The following GPATCH2 variants were observed in gnomAD, a reference collection of about 807,000 sequenced individuals.
The protein encoded by GPATCH2 is G patch domain-containing protein 2.
GPATCH2 carries 51 observed loss-of-function variants against 58.0 expected under a neutral mutation model. The ratio of observed to expected loss-of-function variants is 0.88; its 90% confidence interval spans 0.70 to 1.11. The LOEUF is 1.11. Ranked by LOEUF, GPATCH2 falls within the 50% of genes most tolerant of loss-of-function variation. The pLI is 0.00. For missense variants in GPATCH2, 625 were observed against 652.2 expected (o/e 0.96, Z 0.45); for synonymous variants, 222 against 218.5 (o/e 1.02, Z -0.14).
chr1:217,490,431 G>C (rs1199286805), intron 8 of GPATCH2, among the ~76,000 whole-genome samples: 1 of 152,004 alleles, frequency 6.6e-6, no homozygotes, highest in East Asian at 1.9e-4. Context: ...GGAATTCTTA[G>C]CGACCATCTC....
At chr1:217,609,272 T>C in intron 5 of GPATCH2, 1 of 984,588 alleles carries the variant, frequency 1.0e-6, no homozygotes, top group Non-Finnish European at 1.2e-6. Context: ...ACATATGGTC[T>C]GCCATTCTAA....
chr1:217,620,562 T>C, intron 1 of GPATCH2, 63 bp from the exon 2 acceptor site: 3 of 914,036 alleles, frequency 3.3e-6, no homozygotes, highest in Non-Finnish European at 5.1e-6. Context: ...CCTCATTTTC[T>C]ATAACAGACA....
At position 217,619,950 on chromosome 1, in the gene GPATCH2, T is replaced by A. The variant is rs747095763; in HGVS notation, c.606A>T (p.Gln202His). The A allele has an allele frequency of 1.2e-5, 20 of 1,614,090 alleles. No homozygotes were observed. Among genetic ancestry groups the A allele is most frequent in the Admixed American group, 1.7e-5 (1 of 60,016 alleles). ...TTTTGACTTTGTTCTTGGTAAATTC[T>A]TGATACTGGTAGGCTCTATCACTGT... The part of the protein sequence containing the change: ...DMDSDRAYQY[Q>H]EFTKNKVKKR... The change falls in exon 2 of 10, where the codon CAA (glutamine) becomes CAT (histidine). Residue 202 changes from glutamine to histidine, a missense_variant. Coordinates refer to ENST00000366935, the MANE Select transcript of GPATCH2 (RefSeq NM_018040.5).
intron 5 of GPATCH2, among the ~76,000 whole-genome samples, chr1:217,578,493 T>C (rs1489998277): frequency 6.6e-6 from 1 of 152,046 alleles, no homozygotes; most frequent in Non-Finnish European, 1.5e-5. Context: ...TTCAAGCAAT[T>C]CTCCCACCTC....
intron 5 of GPATCH2, among the ~76,000 whole-genome samples, chr1:217,606,242 T>C (rs1024330751): frequency 6.6e-5 from 10 of 151,412 alleles, no homozygotes; most frequent in Non-Finnish European, 1.2e-4. Context: ...AGAAGGCCTA[T>C]GTGCTCTGTG....
At chr1:217,434,768 T>C (rs1658732430) in intron 9 of GPATCH2, among the ~76,000 whole-genome samples, 1 of 152,176 alleles carries the variant, frequency 6.6e-6, no homozygotes, top group East Asian at 1.9e-4. Context: ...CTATTATAAT[T>C]GAAAAATGTT....
intron 5 of GPATCH2, among the ~76,000 whole-genome samples, chr1:217,523,265 A>G (rs1165833611): frequency 6.6e-6 from 1 of 151,614 alleles, no homozygotes; most frequent in Non-Finnish European, 1.5e-5. Flanking sequence ...AGGGAAGGTC[A>G]GCAGATAAAC....
intron 6 of GPATCH2, among the ~76,000 whole-genome samples, chr1:217,499,139 A>T (rs1337435421): frequency 6.6e-6 from 1 of 152,116 alleles, no homozygotes; most frequent in African/African-American, 2.4e-5. Context: ...CTAACTGTAA[A>T]CATCAAGGAC....
intron 5 of GPATCH2, among the ~76,000 whole-genome samples, chr1:217,540,765 A>C (rs181074161): frequency 6.6e-6 from 1 of 152,330 alleles, no homozygotes; most frequent in East Asian, 1.9e-4. Flanking sequence ...GTACACATAC[A>C]TTTGAAGTAA....
intron 5 of GPATCH2, among the ~76,000 whole-genome samples, chr1:217,570,180 C>T (rs1405500106): frequency 1.3e-5 from 2 of 152,098 alleles, no homozygotes; most frequent in Admixed American, 1.3e-4. Context: ...GGCTCAATCT[C>T]GGCTGAATGC....
intron 5 of GPATCH2, among the ~76,000 whole-genome samples, chr1:217,524,279 C>A (rs1353705434): frequency 1.3e-5 from 2 of 149,634 alleles, no homozygotes; most frequent in Non-Finnish European, 1.5e-5. Context: ...CGGGCAGAGA[C>A]GCTCCTCACT....
intron 6 of GPATCH2, among the ~76,000 whole-genome samples, chr1:217,499,632 T>C (rs1437103364): frequency 6.6e-6 from 1 of 152,136 alleles, no homozygotes; most frequent in Non-Finnish European, 1.5e-5. Context: ...CATTTATTGG[T>C]ATTAGTAAAT....
intron 9 of GPATCH2, among the ~76,000 whole-genome samples, chr1:217,440,662 G>A (rs1278964291): frequency 6.6e-6 from 1 of 152,174 alleles, no homozygotes; most frequent in African/African-American, 2.4e-5. Flanking sequence ...CTTCAGCAAA[G>A]TCTCAGGATA....
chr1:217,570,652 A>C (rs1666491643), intron 5 of GPATCH2, among the ~76,000 whole-genome samples: 1 of 152,228 alleles, frequency 6.6e-6, no homozygotes, highest in Admixed American at 6.5e-5. Context: ...CTAATAACCA[A>C]CAAAGCGATG....
chr1:217,579,971 A>C (rs931173015), intron 5 of GPATCH2, among the ~76,000 whole-genome samples: 3 of 152,204 alleles, frequency 2.0e-5, no homozygotes, highest in Non-Finnish European at 4.4e-5. Context: ...GATACGTTCA[A>C]AGTATTAAAC....
At chr1:217,564,618 A>G (rs1302051580) in intron 5 of GPATCH2, among the ~76,000 whole-genome samples, 1 of 152,156 alleles carries the variant, frequency 6.6e-6, no homozygotes, top group African/African-American at 2.4e-5. Context: ...TTCAGCTACA[A>G]CTTTTTTTCT....
chr1:217,439,582 TG>T (rs1314729064), intron 9 of GPATCH2, among the ~76,000 whole-genome samples: 1 of 152,192 alleles, frequency 6.6e-6, no homozygotes, highest in Non-Finnish European at 1.5e-5. Flanking sequence ...ATCCAGGAGC[TG>T]GTTGTTTGAA....
intron 7 of GPATCH2, 111 bp downstream of exon 7, chr1:217,498,245 G>T: frequency 1.2e-6 from 1 of 844,012 alleles, no homozygotes; most frequent in South Asian, 1.3e-5. Context: ...CTTTTAAAAT[G>T]AGCGGGGATT....
At chr1:217,627,517 T>C (rs541686049) in intron 1 of GPATCH2, among the ~76,000 whole-genome samples, 1 of 152,162 alleles carries the variant, frequency 6.6e-6, no homozygotes, top group Admixed American at 6.5e-5. Context: ...CTTAAAAATA[T>C]ACATATGTAA....
Sources: allele counts gnomAD v4.1 joint callset (sites outside exome capture counted in the v4.1 genomes callset), GRCh38; gene constraint gnomAD v4.1.1; transcripts MANE v1.5; gene names NCBI Gene and HGNC (gene_info 2026-07-23, HGNC 2026-07-21).